Variants in NEGR1 observed in about 807,000 individuals in gnomAD.
The protein encoded by NEGR1 is IgLON family member 4.
A neutral mutation model predicts 40.9 loss-of-function variants in NEGR1; 10 were observed. The observed-to-expected ratio is 0.24, with a 90% confidence interval of 0.15 to 0.42. The LOEUF is 0.42. Among genes scored for constraint, NEGR1 ranks in the 10% least tolerant of loss-of-function variants. The probability of loss-of-function intolerance (pLI) is 1.00; values close to 1 mark genes in which losing one functional copy is unlikely to be tolerated. For synonymous variants in NEGR1, 185 were observed against 166.8 expected, an observed-to-expected ratio of 1.11 and a Z score of -0.84; for missense variants, 352 against 438.9, an observed-to-expected ratio of 0.80 and a Z score of 1.77.
chr1:71,593,868 A>G (rs1190796221), intron 5 of NEGR1, among the ~76,000 whole-genome samples: 1 of 152,168 alleles, frequency 6.6e-6, no homozygotes, highest in African/African-American at 2.4e-5. Context: ...AATTTATCTT[A>G]AAGGACTCTT....
intron 1 of NEGR1, among the ~76,000 whole-genome samples, chr1:72,104,859 C>T (rs1481126766): frequency 6.6e-6 from 1 of 152,116 alleles, no homozygotes; most frequent in Non-Finnish European, 1.5e-5. Flanking sequence ...AACACAACTA[C>T]TCTTTGTAAG....
chr1:71,715,725 A>T (rs1416694250), intron 3 of NEGR1, among the ~76,000 whole-genome samples: 2 of 152,184 alleles, frequency 1.3e-5, no homozygotes, highest in African/African-American at 4.8e-5. Context: ...ACAATTCCCA[A>T]CAGGTTCCTC....
chr1:71,403,378 T>G lies in NEGR1; in HGVS notation c.*4068A>C, dbSNP rs1237575130. 3 of 152,132 alleles carry G rather than the reference T, an allele frequency of 2.0e-5. No individual in the cohort carries two copies. Among genetic ancestry groups the G allele is most frequent in the Non-Finnish European group, 4.4e-5 (3 of 67,968 alleles). 9.4% of individuals were successfully genotyped at this position (152,132 alleles called of 1,614,324 possible). A position where few individuals can be genotyped will look rare whatever the true frequency, so the allele number is the denominator to read the frequency against. ...CGTTTGAGTTTTCAGTTGTTTAGCC[T>G]GTAAGATCATCAGGATTTTATCAAC... On this transcript the variant is annotated 3_prime_UTR_variant, in exon 7 of 7. Coordinates refer to ENST00000357731, the MANE Select transcript of NEGR1 (RefSeq NM_173808.3).
intron 2 of NEGR1, among the ~76,000 whole-genome samples, chr1:71,855,625 T>C (rs1157285406): frequency 1.3e-5 from 2 of 152,052 alleles, no homozygotes; most frequent in Non-Finnish European, 2.9e-5. Flanking sequence ...ATCCTTACGG[T>C]ACAGTAACCA....
intron 4 of NEGR1, among the ~76,000 whole-genome samples, chr1:71,671,179 G>T (rs1192874294): frequency 6.6e-6 from 1 of 152,184 alleles, no homozygotes; most frequent in Non-Finnish European, 1.5e-5. Flanking sequence ...GATAGGGAAA[G>T]GTGAGAACAA....
At chr1:71,835,905 T>A in intron 2 of NEGR1, among the ~76,000 whole-genome samples, 1 of 152,136 alleles carries the variant, frequency 6.6e-6, no homozygotes, top group East Asian at 1.9e-4. Context: ...TATGTATATA[T>A]GCCTAGTCTA....
At chr1:72,125,680 A>G (rs182287316) in intron 1 of NEGR1, among the ~76,000 whole-genome samples, 4 of 152,304 alleles carry the variant, frequency 2.6e-5, no homozygotes, top group Admixed American at 2.6e-4. Context: ...TATTGTATTC[A>G]AAGTATGAAG....
chr1:71,882,607 C>T (rs1660612104), intron 2 of NEGR1, among the ~76,000 whole-genome samples: 1 of 151,728 alleles, frequency 6.6e-6, no homozygotes, highest in South Asian at 2.1e-4. Context: ...TAAACAGACA[C>T]TGTGAAATTT....
intron 2 of NEGR1, among the ~76,000 whole-genome samples, chr1:71,790,526 T>TA (rs1369464151): frequency 2.6e-5 from 4 of 152,002 alleles, no homozygotes; most frequent in Admixed American, 1.3e-4. Context: ...TACATAAATA[T>TA]AAAAAATGCA....
At chr1:71,964,643 G>A (rs1200816472) in intron 1 of NEGR1, among the ~76,000 whole-genome samples, 1 of 152,086 alleles carries the variant, frequency 6.6e-6, no homozygotes, top group Non-Finnish European at 1.5e-5. Context: ...CTCTGCATGA[G>A]TTTATGACCC....
chr1:71,612,218 T>C (rs904550858), intron 4 of NEGR1, among the ~76,000 whole-genome samples: 4 of 152,142 alleles, frequency 2.6e-5, no homozygotes, highest in Admixed American at 6.5e-5. Flanking sequence ...CAAGACTCCG[T>C]CTCAAAACAA....
chr1:71,622,719 T>C (rs184573963), intron 4 of NEGR1, among the ~76,000 whole-genome samples: 2 of 151,914 alleles, frequency 1.3e-5, no homozygotes, highest in East Asian at 1.9e-4. Flanking sequence ...AGTCAATCAA[T>C]TGAAAAAGTA....
chr1:71,995,652 C>G (rs1050577369), intron 1 of NEGR1, among the ~76,000 whole-genome samples: 1 of 152,166 alleles, frequency 6.6e-6, no homozygotes, highest in Non-Finnish European at 1.5e-5. Flanking sequence ...TACAACATCA[C>G]TCAGGCCTCA....
intron 1 of NEGR1, among the ~76,000 whole-genome samples, chr1:72,150,496 T>G (rs1306240951): frequency 6.6e-6 from 1 of 152,196 alleles, no homozygotes; most frequent in Non-Finnish European, 1.5e-5. Context: ...CCAAACTAAA[T>G]GAGTTTACCT....
chr1:71,593,092 G>A (rs1413369), intron 5 of NEGR1, 124 bp from the exon 6 acceptor site: 537,181 of 569,694 alleles, frequency 0.94, 256,119 homozygotes, highest in Non-Finnish European at 1. Flanking sequence ...AGCATATAAC[G>A]TGATAATGGT....
At chr1:71,412,176 C>T (rs1289973735) in intron 6 of NEGR1, among the ~76,000 whole-genome samples, 1 of 152,082 alleles carries the variant, frequency 6.6e-6, no homozygotes, top group African/African-American at 2.4e-5. Flanking sequence ...GTCAACTTAT[C>T]CAGACTCACA....
At chr1:71,903,311 A>G (rs1174799129) in intron 2 of NEGR1, among the ~76,000 whole-genome samples, 2 of 151,980 alleles carry the variant, frequency 1.3e-5, no homozygotes, top group Non-Finnish European at 2.9e-5. Flanking sequence ...AATAAATTTT[A>G]TGTTTATGCA....
chr1:71,895,316 T>C (rs957287990), intron 2 of NEGR1, among the ~76,000 whole-genome samples: 1 of 152,188 alleles, frequency 6.6e-6, no homozygotes, highest in Non-Finnish European at 1.5e-5. Context: ...TTCATTTTTA[T>C]TGAGATATTA....
At chr1:72,082,854 TTCAC>T (rs1166695592) in intron 1 of NEGR1, among the ~76,000 whole-genome samples, 3 of 152,174 alleles carry the variant, frequency 2.0e-5, no homozygotes, top group Non-Finnish European at 4.4e-5. Flanking sequence ...CTTAATTTTC[TTCAC>T]TCAAACACAA....
Sources: allele counts gnomAD v4.1 joint callset (sites outside exome capture counted in the v4.1 genomes callset), GRCh38; gene constraint gnomAD v4.1.1; transcripts MANE v1.5; gene names NCBI Gene and HGNC (gene_info 2026-07-23, HGNC 2026-07-21).